Variants in DNAH3 observed in about 807,000 individuals in gnomAD.
DNAH3 encodes the protein dynein axonemal heavy chain 3.
In DNAH3, 332 loss-of-function variants were observed where a neutral mutation model predicts 432.5. The ratio of observed to expected loss-of-function variants is 0.77; its 90% CI spans 0.70 to 0.84. The LOEUF (loss-of-function observed/expected upper bound fraction) is 0.84. DNAH3 is among the 40% of genes least tolerant of loss of function. DNAH3 has a pLI of 0.00. For missense variants in DNAH3, 4,861 were observed against 5,114.0 expected, an observed-to-expected ratio of 0.95 and a Z score of 1.51; for synonymous variants, 1,956 against 1,900.2, an observed-to-expected ratio of 1.03 and a Z score of -0.76.
chr16:20,968,545 G>A (rs1181332947), intron 52 of DNAH3, among the ~76,000 whole-genome samples: 8 of 152,280 alleles, frequency 5.3e-5, no homozygotes, highest in African/African-American at 1.9e-4. Context: ...ATTTGAAGGA[G>A]AATGAATATT....
chr16:21,142,441 A>C (rs1455670299), intron 3 of DNAH3, among the ~76,000 whole-genome samples: 1 of 152,228 alleles, frequency 6.6e-6, no homozygotes, highest in East Asian at 1.9e-4. Context: ...TTATTTTTAA[A>C]AGAAATTTTA....
At chr16:20,991,637 G>A (rs918828052) in intron 44 of DNAH3, among the ~76,000 whole-genome samples, 3 of 151,924 alleles carry the variant, frequency 2.0e-5, no homozygotes, top group Admixed American at 1.3e-4. Flanking sequence ...TGTCTTATCC[G>A]TTGAAGATCT....
intron 43 of DNAH3, among the ~76,000 whole-genome samples, chr16:20,998,193 T>C (rs1357263788): frequency 6.6e-6 from 1 of 152,210 alleles, no homozygotes; most frequent in African/African-American, 2.4e-5. Flanking sequence ...AGGTAATAGT[T>C]GAACTTCAAT....
At position 21,049,680 on chromosome 16, in the gene DNAH3, A is replaced by ACACTAGAAAGAGGGAGGATGTGGGTAT. The variant is rs1567699870; in HGVS notation, c.4348-25_4349dup (p.Gln1449_Cys1450insTer). On this transcript the variant is annotated stop_gained and splice_region_variant, in exon 31 of 62. Coordinates refer to ENST00000261383, the Ensembl canonical transcript of DNAH3. LOFTEE classifies it high-confidence loss of function. ...AACCATCGGAGCAGTTGAAGACCACACACTAGAAAGAGGGAGGATGTGGGT... is the reference window on the plus strand; with the variant it reads ...AACCATCGGAGCAGTTGAAGACCACACACTAGAAAGAGGGAGGATGTGGGTATCACTAGAAAGAGGGAGGATGTGGGT... 1 of 1,613,642 alleles carries ACACTAGAAAGAGGGAGGATGTGGGTAT rather than the reference A, an allele frequency of 6.2e-7. No individual in the cohort carries two copies. Among genetic ancestry groups the ACACTAGAAAGAGGGAGGATGTGGGTAT allele is most frequent in the East Asian group, 2.2e-5 (1 of 44,880 alleles).
rs1567571725 is a variant in DNAH3 at position 20,980,229 on chromosome 16, T to TATTATATATATAATATACATCATATA, written c.7860-684_7860-683insTATATGATGTATATTATATATATAAT. On this transcript the variant is annotated intron_variant, in intron 49 of 61. Transcript: ENST00000261383. ...TTATTTATATTATTTATATTATTTA[T>TATTATATATATAATATACATCATATA]TTATATTATATATATAATATACATC... Among the ~76,000 whole-genome samples the TATTATATATATAATATACATCATATA allele has an allele frequency of 8.7e-4, 90 of 103,858 alleles. 1 individual carries two copies. In the South Asian group the frequency reaches 0.03, roughly 34 times the overall value. 68.1% of individuals were successfully genotyped at this position (103,858 alleles called of 152,430 possible).
chr16:20,988,122 CTG>C, intron 44 of DNAH3, 57 bp from the exon 45 acceptor site: 3 of 1,602,366 alleles, frequency 1.9e-6, no homozygotes. Flanking sequence ...CTCACACTGT[CTG>C]TGACCCTAGG....
chr16:21,133,606 G>A (rs918671338), intron 7 of DNAH3, among the ~76,000 whole-genome samples: 4 of 151,794 alleles, frequency 2.6e-5, no homozygotes, highest in African/African-American at 7.3e-5. Flanking sequence ...CAGGCATGGT[G>A]GCGCATGCCT....
rs369321873 is a variant in DNAH3 at position 21,060,514 on chromosome 16, C to CTT, written c.3721-160_3721-159dup. 1.4e-4 allele frequency among the ~76,000 whole-genome samples: 18 copies of CTT among 127,290 alleles called. 1 individual carries two copies. Among genetic ancestry groups the CTT allele is most frequent in the Admixed American group, 2.7e-4 (3 of 11,298 alleles). 83.5% of individuals were successfully genotyped at this position (127,290 alleles called of 152,430 possible). A position where few individuals can be genotyped will look rare whatever the true frequency, so the allele number is the denominator to read the frequency against. On this transcript the variant is annotated intron_variant, in intron 25 of 61. Coordinates refer to ENST00000261383, the Ensembl canonical transcript of DNAH3. ...TTCTCTGTCTCCCCGTTCTTTTTTT[C>CTT]TTTTTTTTTTTCTTTTTTTTTTTTT...
chr16:20,937,487 C>T (rs930367565), intron 59 of DNAH3, among the ~76,000 whole-genome samples: 3 of 151,386 alleles, frequency 2.0e-5, no homozygotes, highest in Admixed American at 6.6e-5. Flanking sequence ...TCAAAGAGCA[C>T]GCACAGTTTT....
At chr16:21,093,810 A>C (rs1376212164) in intron 18 of DNAH3, among the ~76,000 whole-genome samples, 1 of 152,006 alleles carries the variant, frequency 6.6e-6, no homozygotes, top group African/African-American at 2.4e-5. Context: ...AGATACAATT[A>C]AGTGGATAAA....
intron 52 of DNAH3, among the ~76,000 whole-genome samples, chr16:20,967,031 G>A (rs2099499171): frequency 6.6e-6 from 1 of 152,124 alleles, no homozygotes; most frequent in South Asian, 2.1e-4. Flanking sequence ...TTGGCCCATG[G>A]TACTTGCCAA....
At chr16:21,077,915 A>T (rs1401322613) in intron 20 of DNAH3, among the ~76,000 whole-genome samples, 1 of 151,602 alleles carries the variant, frequency 6.6e-6, no homozygotes, top group African/African-American at 2.4e-5. Flanking sequence ...TCCTAATCTG[A>T]CTCCTACCCT....
At chr16:21,033,790 T>C (rs2089016624) in intron 36 of DNAH3, among the ~76,000 whole-genome samples, 184 bp downstream of exon 36, 2 of 152,156 alleles carry the variant, frequency 1.3e-5, no homozygotes, top group Admixed American at 1.3e-4. Flanking sequence ...CTTGTTATTA[T>C]AGAAGCACCC....
At chr16:21,093,021 C>A (rs2152786557) in intron 18 of DNAH3, among the ~76,000 whole-genome samples, 1 of 152,194 alleles carries the variant, frequency 6.6e-6, no homozygotes, top group Admixed American at 6.5e-5. Flanking sequence ...CCACCTGGGG[C>A]AAATTAGTGA....
chr16:20,941,420 C>A lies in DNAH3; in HGVS notation c.11635G>T (p.Glu3879Ter). The A allele has an allele frequency of 6.2e-7, 1 of 1,614,002 alleles. No homozygotes were observed. Among genetic ancestry groups the A allele is most frequent in the Non-Finnish European group, 8.5e-7 (1 of 1,179,928 alleles). ...GCCCACCTGTTGAATCTGATGAGCTCCTGCCTTAGGACGGTATTCATGGAT... is the reference window on the plus strand; with the variant it reads ...GCCCACCTGTTGAATCTGATGAGCTACTGCCTTAGGACGGTATTCATGGAT... Residue 3879 changes from glutamate (E) to a stop codon, truncating the protein, a stop_gained, in exon 59 of 62, where the codon GAG (glutamate) becomes TAG (stop). Coordinates refer to ENST00000261383, the Ensembl canonical transcript of DNAH3. LOFTEE classifies it high-confidence loss of function.
chr16:20,933,535 A>C, intron 61 of DNAH3, 28 bp from the exon 62 acceptor site: 1 of 1,519,672 alleles, frequency 6.6e-7, no homozygotes, highest in Non-Finnish European at 8.8e-7. Flanking sequence ...TATGAGCTCC[A>C]TTGCCTGCCA....
chr16:20,987,985 C>T lies in DNAH3; in HGVS notation c.6682G>A (p.Val2228Ile), dbSNP rs772258769. ...AACCCTTTCCCGAAGTGCCAGTCAA[C>T]AATCGAACTGAAAATCTTGGTTAAA... The change falls in exon 45 of 62, where the codon GTT becomes ATT. Residue 2228 changes from valine to isoleucine, a missense_variant. Physicochemically the swap from Val to Ile is conservative, Grantham distance 29 (BLOSUM62 3). Coordinates refer to ENST00000261383, the Ensembl canonical transcript of DNAH3. 5 of 1,614,044 alleles carry T rather than the reference C, an allele frequency of 3.1e-6. No homozygotes were observed. The East Asian group carries it at 1.1e-4, about 36-fold the overall frequency.
intron 1 of DNAH3, among the ~76,000 whole-genome samples, chr16:21,153,573 A>C (rs1180620190): frequency 6.6e-6 from 1 of 152,140 alleles, no homozygotes; most frequent in Admixed American, 6.5e-5. Flanking sequence ...CCCCTTCTAC[A>C]ACGTGGAAGG....
At chr16:21,101,295 T>C (rs750225175) in intron 16 of DNAH3, among the ~76,000 whole-genome samples, 10 of 152,184 alleles carry the variant, frequency 6.6e-5, no homozygotes, top group Non-Finnish European at 4.4e-5. Context: ...CATATCACTT[T>C]CACACCATCA....
Sources: allele counts gnomAD v4.1 joint callset (sites outside exome capture counted in the v4.1 genomes callset), GRCh38; gene constraint gnomAD v4.1.1; transcripts MANE v1.5; gene names NCBI Gene and HGNC (gene_info 2026-07-23, HGNC 2026-07-21).